Variants in KIF15 observed in about 807,000 individuals in gnomAD.
KIF15 encodes kinesin family member 15.
Under a neutral mutation model 190.6 loss-of-function variants are expected in KIF15, and 140 were observed. That is an observed-to-expected ratio of 0.73 (90% CI 0.64 to 0.84). The LOEUF (loss-of-function observed/expected upper bound fraction) is 0.84, where lower values mean the gene tolerates loss of function less well. Ranked by LOEUF, KIF15 falls within the 40% of genes least tolerant of loss-of-function variation. KIF15 has a pLI of 0.00. For synonymous variants in KIF15, 528 were observed against 551.3 expected, an observed-to-expected ratio of 0.96 and a Z score of 0.59; for missense variants, 1,372 against 1,584.4, an observed-to-expected ratio of 0.87 and a Z score of 2.28.
chr3:44,777,922 C>A (rs1190470073), intron 3 of KIF15, among the ~76,000 whole-genome samples, 193 bp from the exon 4 acceptor site: 2 of 152,004 alleles, frequency 1.3e-5, no homozygotes, highest in Non-Finnish European at 2.9e-5. Context: ...TGCTTTAAAT[C>A]TATAGGTGTA....
At chr3:44,763,740 T>C (rs928369421) in intron 1 of KIF15, among the ~76,000 whole-genome samples, 1 of 151,480 alleles carries the variant, frequency 6.6e-6, no homozygotes, top group Non-Finnish European at 1.5e-5. Context: ...CTGGCTGGAG[T>C]GCAGTGACGC....
At chr3:44,791,375 G>A (rs1373244937) in intron 7 of KIF15, among the ~76,000 whole-genome samples, 2 of 152,156 alleles carry the variant, frequency 1.3e-5, no homozygotes, top group Non-Finnish European at 2.9e-5. Flanking sequence ...TTGCTAAGTA[G>A]TGTCTTTAGA....
intron 6 of KIF15, chr3:44,862,634 G>C (rs1699270984): frequency 6.6e-6 from 1 of 152,290 alleles, no homozygotes; most frequent in African/African-American, 2.4e-5. Flanking sequence ...GATACTGTAG[G>C]CATAAGAGGA....
chr3:44,785,482 C>G (rs1171761876), intron 6 of KIF15, among the ~76,000 whole-genome samples: 1 of 152,212 alleles, frequency 6.6e-6, no homozygotes, highest in Non-Finnish European at 1.5e-5. Flanking sequence ...TGCATTGGCT[C>G]CCAGGTTGGG....
At chr3:44,861,782 C>A in intron 6 of KIF15, 1 of 969,658 alleles carries the variant, frequency 1.0e-6, no homozygotes, top group Non-Finnish European at 1.5e-6. Context: ...CCCGCCCCCT[C>A]CGAGGCGCCG....
chr3:44,794,137 T>C (rs1706855712), intron 7 of KIF15, 80 bp from the exon 8 acceptor site: 2 of 1,206,432 alleles, frequency 1.7e-6, no homozygotes, highest in Non-Finnish European at 2.4e-6. Flanking sequence ...AGACATGGCC[T>C]CCCAAACTGC....
chr3:44,812,986 A>T lies in KIF15; in HGVS notation c.2278-89A>T. The T allele has an allele frequency of 1.4e-5, 8 of 569,416 alleles. No individual in the cohort carries two copies. In the South Asian group the frequency reaches 1.9e-4, roughly 13 times the overall value. 35.3% of individuals were successfully genotyped at this position (569,416 alleles called of 1,614,324 possible). On this transcript the variant is annotated intron_variant, in intron 18 of 34. Coordinates refer to ENST00000326047, the MANE Select transcript of KIF15 (RefSeq NM_020242.3). ...GGTGACAGAGCAAGACTCTGTCTCA[A>T]AAAAAAAAAAAGAAACAGGTTAATG...
At chr3:44,802,590 G>A (rs1475978172) in intron 13 of KIF15, among the ~76,000 whole-genome samples, 1 of 152,120 alleles carries the variant, frequency 6.6e-6, no homozygotes, top group African/African-American at 2.4e-5. Flanking sequence ...CCTTAGGTGG[G>A]TGAACATTTC....
intron 24 of KIF15, among the ~76,000 whole-genome samples, chr3:44,828,940 G>A (rs1575658826): frequency 6.6e-6 from 1 of 152,142 alleles, no homozygotes. Flanking sequence ...GGGAGGCTGA[G>A]GCAGGAGAAT....
chr3:44,861,975 C>T lies in KIF15; in HGVS notation c.*59+9181C>T, dbSNP rs753708823. 4.3e-6 allele frequency: 6 copies of T among 1,388,172 alleles called. No individual in the cohort carries two copies. In the Admixed American group the frequency reaches 1.1e-4, roughly 25 times the overall value. The allele number at this position is 1,388,172 out of a possible 1,614,324, so 86.0% of individuals were successfully genotyped here. ...GCGGCGCCGTGTCCGCGACCGCGTA[C>T]CCTGACACCCCCGCGGAATTCCCTC... On this transcript the variant is annotated intron_variant and NMD_transcript_variant, in intron 6 of 6. Transcript: ENST00000422209.
chr3:44,803,013 T>C (rs1332417869), intron 14 of KIF15, 22 bp downstream of exon 14: 1 of 1,569,508 alleles, frequency 6.4e-7, no homozygotes, highest in Non-Finnish European at 8.6e-7. Context: ...TTGTTGTATA[T>C]ACGTGCCATG....
intron 10 of KIF15, among the ~76,000 whole-genome samples, chr3:44,798,709 A>G (rs958778817): frequency 2.0e-5 from 3 of 152,008 alleles, no homozygotes; most frequent in Non-Finnish European, 4.4e-5. Context: ...CAGCTGACAA[A>G]TTTTTTCTTA....
intron 6 of KIF15, among the ~76,000 whole-genome samples, chr3:44,858,923 G>C (rs769398319): frequency 1.3e-5 from 2 of 152,232 alleles, no homozygotes; most frequent in South Asian, 4.1e-4. Flanking sequence ...CCTCCAAGGC[G>C]ATCGGGCAGC....
intron 6 of KIF15, chr3:44,861,878 C>T (rs1322185747): frequency 3.7e-5 from 55 of 1,490,356 alleles, no homozygotes; most frequent in Non-Finnish European, 4.8e-5. Flanking sequence ...GCGGCGCGCG[C>T]TCTGCCCTGC....
At chr3:44,844,989 C>A (rs1698778460) in intron 30 of KIF15, among the ~76,000 whole-genome samples, 2 of 152,160 alleles carry the variant, frequency 1.3e-5, no homozygotes, top group African/African-American at 4.8e-5. Flanking sequence ...ACAGAAGACA[C>A]TGAAGAACAT....
At chr3:44,855,041 T>G (rs1359501828), downstream of KIF15, among the ~76,000 whole-genome samples, 1 of 152,254 alleles carries the variant, frequency 6.6e-6, no homozygotes, top group Non-Finnish European at 1.5e-5. Flanking sequence ...TGTGTCTGTG[T>G]GAAGAGACCA....
At chr3:44,862,685 ACTC>A (rs1314491228) in intron 6 of KIF15, 1 of 150,878 alleles carries the variant, frequency 6.6e-6, no homozygotes, top group Non-Finnish European at 1.5e-5. Context: ...GACGCTGAGA[ACTC>A]CTAAACTTGC....
intron 1 of KIF15, among the ~76,000 whole-genome samples, chr3:44,764,593 A>G (rs1468185937): frequency 2.0e-5 from 3 of 152,158 alleles, no homozygotes; most frequent in Non-Finnish European, 4.4e-5. Context: ...CACATAGAGG[A>G]CCTCAAAGTT....
chr3:44,773,712 GA>G (rs1705743789), intron 1 of KIF15, among the ~76,000 whole-genome samples: 1 of 152,100 alleles, frequency 6.6e-6, no homozygotes, highest in Non-Finnish European at 1.5e-5. Context: ...AAACAAGAGG[GA>G]AAAATATTTT....
Sources: gnomAD v4.1 joint callset for allele counts (sites outside exome capture counted in the v4.1 genomes callset) on GRCh38, gnomAD v4.1.1 for gene constraint, MANE v1.5 for transcripts, NCBI Gene and HGNC (gene_info 2026-07-23, HGNC 2026-07-21) for gene names.